The following NUP133 variants were observed in gnomAD, a reference collection of about 807,000 sequenced individuals.
The protein encoded by NUP133 is nucleoporin 133.
Under a neutral mutation model 146.2 loss-of-function variants are expected in NUP133, and 66 were observed. That is an observed-to-expected ratio of 0.45 (90% confidence interval 0.37 to 0.55). NUP133 has a LOEUF of 0.55. Ranked by LOEUF, NUP133 falls within the 20% of genes least tolerant of loss-of-function variation. The probability of loss-of-function intolerance (pLI) is 0.00; values close to 1 mark genes in which losing one functional copy is unlikely to be tolerated. For missense variants in NUP133, 1,277 were observed against 1,374.8 expected, an observed-to-expected ratio of 0.93 and a Z score of 1.12; for synonymous variants, 521 against 498.8, an observed-to-expected ratio of 1.04 and a Z score of -0.59.
Position 229,473,720 on chromosome 1 carries a change from C to T in NUP133, c.1851+1918G>A, listed in dbSNP as rs958533412. On this transcript the variant is annotated intron_variant, in intron 14 of 25. Transcript: ENST00000261396. Reference sequence around the variant, plus strand: ...AGGCGATCACTTGAGCTTAAGAGTTCGAAACTAGCCTGGGCAATATGGCAA... The same window carrying T: ...AGGCGATCACTTGAGCTTAAGAGTTTGAAACTAGCCTGGGCAATATGGCAA... Among the ~76,000 whole-genome samples, 8 of 151,986 alleles carry T rather than the reference C, an allele frequency of 5.3e-5. No homozygotes were observed. The South Asian group carries it at 1.0e-3, about 20-fold the overall frequency.
At chr1:229,444,840 C>A in intron 25 of NUP133, 74 bp downstream of exon 25, 2 of 941,336 alleles carry the variant, frequency 2.1e-6, no homozygotes, top group South Asian at 1.5e-5. Flanking sequence ...GAGCAAGACT[C>A]CGTCTCAAAA....
intron 23 of NUP133, among the ~76,000 whole-genome samples, chr1:229,450,044 A>AT (rs762006088): frequency 0.072 from 9,980 of 139,284 alleles, 453 homozygotes; most frequent in Middle Eastern, 0.11. Context: ...TACCCATCTA[A>AT]TTTTTTTTTT....
chr1:229,508,309 C>T lies in NUP133; in HGVS notation c.-60G>A. ...TCTGGCCGTCAGGTTGCAGCCTGGC[C>T]TGCGCGCGGAACTTAAACACCTAAG... On this transcript the variant is annotated 5_prime_UTR_variant, in exon 1 of 26. Coordinates refer to ENST00000261396, the MANE Select transcript of NUP133 (RefSeq NM_018230.3). The T allele has an allele frequency of 3.8e-6, 5 of 1,299,466 alleles. No individual in the cohort carries two copies. Among genetic ancestry groups the T allele is most frequent in the Non-Finnish European group, 4.0e-6 (4 of 993,776 alleles). 80.5% of individuals were successfully genotyped at this position (1,299,466 alleles called of 1,614,324 possible). A position where few individuals can be genotyped will look rare whatever the true frequency, so the allele number is the denominator to read the frequency against.
intron 15 of NUP133, among the ~76,000 whole-genome samples, chr1:229,469,769 G>A (rs963301186): frequency 1.3e-5 from 2 of 152,218 alleles, no homozygotes; most frequent in Non-Finnish European, 2.9e-5. Flanking sequence ...GGCAGAAGCC[G>A]GAGGGCAAGG....
intron 15 of NUP133, among the ~76,000 whole-genome samples, chr1:229,468,658 T>A (rs1271702620): frequency 6.6e-6 from 1 of 152,234 alleles, no homozygotes; most frequent in Non-Finnish European, 1.5e-5. Context: ...ACACTTATAC[T>A]TTGCCCTTTG....
chr1:229,499,667 G>A lies in NUP133; in HGVS notation c.648+17C>T. 1 of 1,591,802 alleles carries A rather than the reference G, an allele frequency of 6.3e-7. No homozygotes were observed. Among genetic ancestry groups the A allele is most frequent in the Non-Finnish European group, 8.5e-7 (1 of 1,170,514 alleles). Reference sequence around the variant, plus strand: ...TCACAGCTTTCCAATAAATATAAAGGAATATCCGTGGTATACCTGCACTGC... The same window carrying A: ...TCACAGCTTTCCAATAAATATAAAGAAATATCCGTGGTATACCTGCACTGC... On this transcript the variant is annotated intron_variant, in intron 5 of 25. Transcript: ENST00000261396.
intron 13 of NUP133, among the ~76,000 whole-genome samples, 158 bp downstream of exon 13, chr1:229,477,439 C>CAAAA (rs545949314): frequency 1.4e-5 from 1 of 73,222 alleles, no homozygotes. Context: ...TGCTCTGTCT[C>CAAAA]AAAAAAAAAA....
chr1:229,459,946 C>G (rs1349090426), intron 20 of NUP133, among the ~76,000 whole-genome samples: 8 of 152,012 alleles, frequency 5.3e-5, no homozygotes, highest in Admixed American at 5.2e-4. Context: ...ATACAGTTTC[C>G]CATAATGGTT....
chr1:229,492,162 C>T (rs1299577210), intron 8 of NUP133, among the ~76,000 whole-genome samples: 3 of 151,224 alleles, frequency 2.0e-5, no homozygotes, highest in Non-Finnish European at 4.4e-5. Context: ...GCTGCAGTGC[C>T]GGGGCGTGAT....
chr1:229,486,627 T>C (rs1258132737), intron 10 of NUP133, 99 bp from the exon 11 acceptor site: 10 of 1,150,290 alleles, frequency 8.7e-6, no homozygotes, highest in South Asian at 6.0e-5. Flanking sequence ...TGATGATATA[T>C]TAAGCACATT....
chr1:229,486,605 A>T (rs1661357010), intron 10 of NUP133, 77 bp from the exon 11 acceptor site: 1 of 1,378,096 alleles, frequency 7.3e-7, no homozygotes, highest in Non-Finnish European at 9.9e-7. Context: ...CACCCTAAGC[A>T]GAAAATCATC....
chr1:229,448,584 GC>G (rs910261285), intron 24 of NUP133, among the ~76,000 whole-genome samples: 9 of 152,226 alleles, frequency 5.9e-5, no homozygotes, highest in Non-Finnish European at 8.8e-5. Flanking sequence ...AGCAGCCCAC[GC>G]CGCTGCTCTG....
intron 13 of NUP133, 87 bp from the exon 14 acceptor site, chr1:229,475,819 A>G: frequency 1.8e-6 from 2 of 1,141,328 alleles, no homozygotes; most frequent in Non-Finnish European, 2.6e-6. Context: ...TATTAAAATA[A>G]AAAGCTAAGG....
chr1:229,496,663 A>C (rs984357003), intron 6 of NUP133, among the ~76,000 whole-genome samples: 2 of 152,130 alleles, frequency 1.3e-5, no homozygotes, highest in Non-Finnish European at 2.9e-5. Context: ...GACAAGTAGA[A>C]AAGAAGAAAA....
chr1:229,502,135 T>C (rs1558109741), intron 2 of NUP133, 33 bp from the exon 3 acceptor site: 3 of 1,483,280 alleles, frequency 2.0e-6, no homozygotes, highest in South Asian at 2.3e-5. Context: ...TGATTAATCT[T>C]ATAGTATAAA....
intron 14 of NUP133, among the ~76,000 whole-genome samples, chr1:229,471,618 T>C (rs1043194168): frequency 7.2e-5 from 11 of 152,124 alleles, no homozygotes; most frequent in Admixed American, 2.6e-4. Flanking sequence ...CTTCTAGGGG[T>C]TTTCCTAAGC....
At chr1:229,501,443 G>A (rs1028538068) in intron 3 of NUP133, among the ~76,000 whole-genome samples, 1 of 152,182 alleles carries the variant, frequency 6.6e-6, no homozygotes, top group African/African-American at 2.4e-5. Flanking sequence ...AGTTCCAACG[G>A]AACATGGCCA....
chr1:229,498,095 CT>C, intron 6 of NUP133, 40 bp downstream of exon 6: 1 of 1,409,746 alleles, frequency 7.1e-7, no homozygotes, highest in Non-Finnish European at 9.6e-7. Flanking sequence ...ATTGATTTAA[CT>C]AAGAAATAAG....
intron 2 of NUP133, among the ~76,000 whole-genome samples, chr1:229,503,335 AAAAC>A (rs1362940855): frequency 3.3e-5 from 5 of 152,202 alleles, no homozygotes; most frequent in Non-Finnish European, 7.4e-5. Flanking sequence ...TCGATAAAGT[AAAAC>A]AAATAACAAA....
Sources: gnomAD v4.1 joint callset for allele counts (sites outside exome capture counted in the v4.1 genomes callset) on GRCh38, gnomAD v4.1.1 for gene constraint, MANE v1.5 for transcripts, NCBI Gene and HGNC (gene_info 2026-07-23, HGNC 2026-07-21) for gene names.